The following PID1 variants were observed in gnomAD, a reference collection of about 807,000 sequenced individuals.
PID1 encodes phosphotyrosine interaction domain containing 1.
PID1 carries 10 observed loss-of-function variants against 19.1 expected under a neutral mutation model. The ratio of observed to expected loss-of-function variants is 0.52; its 90% CI spans 0.32 to 0.89. The LOEUF (loss-of-function observed/expected upper bound fraction) is 0.89. Ranked by LOEUF, PID1 falls within the 40% of genes least tolerant of loss-of-function variation. The pLI is 0.03. For missense variants in PID1, 248 were observed against 285.3 expected (o/e 0.87, Z 0.94); for synonymous variants, 130 against 116.0 (o/e 1.12, Z -0.78).
intron 2 of PID1, among the ~76,000 whole-genome samples, chr2:229,067,212 C>T (rs1694346336): frequency 6.6e-6 from 1 of 152,232 alleles, no homozygotes; most frequent in Admixed American, 6.5e-5. Flanking sequence ...ATGGGGGTAA[C>T]TGCCCCCATG....
intron 2 of PID1, among the ~76,000 whole-genome samples, chr2:229,104,486 G>C (rs1205826311): frequency 6.6e-6 from 1 of 152,136 alleles, no homozygotes; most frequent in African/African-American, 2.4e-5. Flanking sequence ...CTATTAGTTT[G>C]AGCACATATA....
At chr2:229,256,567 G>T (rs1159045134) in intron 1 of PID1, among the ~76,000 whole-genome samples, 1 of 152,158 alleles carries the variant, frequency 6.6e-6, no homozygotes, top group Non-Finnish European at 1.5e-5. Flanking sequence ...TAAGTAATCA[G>T]CCTGACTTTG....
intron 2 of PID1, among the ~76,000 whole-genome samples, chr2:229,029,784 G>T (rs1223981343): frequency 6.7e-6 from 1 of 149,228 alleles, no homozygotes; most frequent in African/African-American, 2.5e-5. Flanking sequence ...AGGTTGCAGT[G>T]AGCTGAGATC....
At chr2:229,157,128 A>G (rs1224072260) in intron 1 of PID1, among the ~76,000 whole-genome samples, 1 of 152,084 alleles carries the variant, frequency 6.6e-6, no homozygotes, top group African/African-American at 2.4e-5. Context: ...AGGGCCTCAC[A>G]CTCAGAAGGA....
At chr2:229,262,112 G>A (rs1369343243) in intron 1 of PID1, among the ~76,000 whole-genome samples, 1 of 152,150 alleles carries the variant, frequency 6.6e-6, no homozygotes, top group Non-Finnish European at 1.5e-5. Flanking sequence ...AATCACAGAG[G>A]CTGCTACCCA....
chr2:229,158,274 A>C (rs1435417934), intron 1 of PID1, among the ~76,000 whole-genome samples: 1 of 152,214 alleles, frequency 6.6e-6, no homozygotes, highest in African/African-American at 2.4e-5. Context: ...CTGCTTTTTG[A>C]ATAAGAAACA....
intron 1 of PID1, among the ~76,000 whole-genome samples, chr2:229,217,343 C>T (rs2106255189): frequency 6.6e-6 from 1 of 152,300 alleles, no homozygotes; most frequent in South Asian, 2.1e-4. Context: ...GTTTACTTTG[C>T]TTTAATTAAT....
chr2:229,211,987 C>T (rs1418872244), intron 1 of PID1, among the ~76,000 whole-genome samples: 1 of 152,218 alleles, frequency 6.6e-6, no homozygotes, highest in African/African-American at 2.4e-5. Flanking sequence ...TAGTTGATCT[C>T]AAAGTCATTC....
At chr2:229,253,780 T>C (rs1278724675) in intron 1 of PID1, among the ~76,000 whole-genome samples, 1 of 152,170 alleles carries the variant, frequency 6.6e-6, no homozygotes, top group Non-Finnish European at 1.5e-5. Flanking sequence ...TCACCTTTTG[T>C]GAAACAGAAT....
intron 2 of PID1, among the ~76,000 whole-genome samples, chr2:229,031,722 G>A (rs556016916): frequency 2.1e-4 from 32 of 152,264 alleles, no homozygotes; most frequent in African/African-American, 7.0e-4. Context: ...ATAAAATGAC[G>A]TAGCAAGACC....
At chr2:229,183,878 CTATATATATATATATA>C (rs148369137) in intron 1 of PID1, among the ~76,000 whole-genome samples, 646 of 18,684 alleles carry the variant, frequency 0.035, 142 homozygotes, top group Middle Eastern at 0.14. Context: ...CTCTCTCTTT[CTATATATATATATATA>C]TATATATATA....
intron 2 of PID1, among the ~76,000 whole-genome samples, chr2:229,046,379 T>TGTGTGTGCGC (rs1352720954): frequency 3.5e-5 from 5 of 144,168 alleles, no homozygotes; most frequent in African/African-American, 1.3e-4. Flanking sequence ...TGTGTGTGTG[T>TGTGTGTGCGC]GCGTGTGTGT....
At chr2:229,224,479 C>G (rs944439571) in intron 1 of PID1, among the ~76,000 whole-genome samples, 13 of 152,136 alleles carry the variant, frequency 8.5e-5, no homozygotes, top group Admixed American at 8.5e-4. Flanking sequence ...AACTCTGTAT[C>G]TGGAATTAAT....
intron 2 of PID1, among the ~76,000 whole-genome samples, chr2:229,086,991 G>T (rs550501223): frequency 6.6e-6 from 1 of 151,894 alleles, no homozygotes; most frequent in South Asian, 2.1e-4. Context: ...ACTGCTGTCA[G>T]AATGAATACT....
intron 2 of PID1, among the ~76,000 whole-genome samples, chr2:229,027,660 T>A (rs767846357): frequency 6.6e-6 from 1 of 152,012 alleles, no homozygotes; most frequent in East Asian, 1.9e-4. Context: ...TCAGACTACA[T>A]AGGAGCCCAG....
intron 2 of PID1, among the ~76,000 whole-genome samples, chr2:229,135,322 C>T (rs954553899): frequency 3.3e-5 from 5 of 152,198 alleles, no homozygotes; most frequent in South Asian, 2.1e-4. Context: ...AGCATGCATT[C>T]GTGAAATGGC....
chr2:229,109,263 G>C (rs963130697), intron 2 of PID1, among the ~76,000 whole-genome samples: 2 of 152,050 alleles, frequency 1.3e-5, no homozygotes, highest in Admixed American at 1.3e-4. Context: ...GAGCCTTTTG[G>C]GTTACGGGTG....
chr2:229,216,285 G>A (rs866829725), intron 1 of PID1, among the ~76,000 whole-genome samples: 2 of 152,336 alleles, frequency 1.3e-5, no homozygotes, highest in South Asian at 4.1e-4. Flanking sequence ...CAGCTGTGGA[G>A]GAGAAGTGGA....
At chr2:229,206,651 C>T (rs967461019) in intron 1 of PID1, among the ~76,000 whole-genome samples, 3 of 152,190 alleles carry the variant, frequency 2.0e-5, no homozygotes, top group Admixed American at 6.5e-5. Context: ...AACAACTCCA[C>T]GAAAGCGACC....
Sources: allele counts gnomAD v4.1 joint callset (sites outside exome capture counted in the v4.1 genomes callset), GRCh38; gene constraint gnomAD v4.1.1; transcripts MANE v1.5; gene names NCBI Gene and HGNC (gene_info 2026-07-23, HGNC 2026-07-21).